Variants in ABCA3 observed in about 807,000 individuals in gnomAD.
ABCA3 encodes ATP binding cassette subfamily A member 3.
ABCA3 carries 88 observed loss-of-function variants against 172.8 expected under a neutral mutation model. The ratio of observed to expected loss-of-function variants is 0.51; its 90% CI spans 0.43 to 0.61. The LOEUF (loss-of-function observed/expected upper bound fraction) is 0.61. Among genes scored for constraint, ABCA3 ranks in the 20% least tolerant of loss-of-function variants. The probability of loss-of-function intolerance (pLI) is 0.00; values close to 1 mark genes in which losing one functional copy is unlikely to be tolerated. For missense variants in ABCA3, 2,164 were observed against 2,301.0 expected, an observed-to-expected ratio of 0.94 and a Z score of 1.22; for synonymous variants, 1,066 against 983.8, an observed-to-expected ratio of 1.08 and a Z score of -1.56.
rs2093665724 is a variant in ABCA3, at chr16:2,288,020, C to T, written c.3004+6G>A. The T allele has an allele frequency of 2.5e-6, 4 of 1,603,644 alleles. No individual in the cohort carries two copies. In the South Asian group the frequency reaches 4.4e-5, roughly 18 times the overall value. On this transcript the variant is annotated splice_donor_region_variant and intron_variant, in intron 21 of 32. Coordinates refer to ENST00000301732, the MANE Select transcript of ABCA3 (RefSeq NM_001089.3). ...GCCCCCGTCCCGCCCCCGGGATGCC[C>T]CTTACCGAGCACCTCGCGGGGCTCC... is the stretch of plus-strand genomic sequence containing the variant.
chr16:2,295,511 T>C (rs1317807932), intron 18 of ABCA3, 79 bp downstream of exon 18: 2 of 1,593,928 alleles, frequency 1.3e-6, no homozygotes, highest in African/African-American at 2.7e-5. Flanking sequence ...AGCAGGTGCC[T>C]CTGAGCACAA....
At chr16:2,303,608 T>C (rs1257208134) in intron 12 of ABCA3, among the ~76,000 whole-genome samples, 1 of 151,990 alleles carries the variant, frequency 6.6e-6, no homozygotes, top group Non-Finnish European at 1.5e-5. Context: ...ATTTTGTAGG[T>C]AGAAAACCCA....
In ABCA3 at chr16:2,278,338, G is replaced by A. The variant is rs727502872; in HGVS notation, c.4668C>T (p.Thr1556=). Residue 1556 remains threonine (T), a synonymous_variant, in exon 30 of 33, where the codon ACC becomes ACT. Transcript: ENST00000301732. The surrounding 1 kb of genome is among the most constrained non-coding windows in gnomAD (Gnocchi z 4.4). The stretch of plus-strand genomic sequence containing the variant: ...TGCCAGACTCTCGGGCTCGTGCCAC[G>A]GTGTCCCAAAGCAGGCGCCGGGCCA... ...DPVARRLLWD[T]VARARESGKA... 53 of 1,611,248 alleles carry A rather than the reference G, an allele frequency of 3.3e-5. No individual in the cohort carries two copies. The highest frequency in any genetic ancestry group is 1.6e-4 in the Middle Eastern group (1 of 6,082).
At chr16:2,337,739 C>T (rs965416202) in intron 1 of ABCA3, among the ~76,000 whole-genome samples, 1 of 152,166 alleles carries the variant, frequency 6.6e-6, no homozygotes, top group African/African-American at 2.4e-5. Context: ...GGAACAAATG[C>T]ACAACCCACA....
chr16:2,278,101 T>C lies in ABCA3; in HGVS notation c.4719-32A>G. 6.2e-7 allele frequency: 1 copy of C among 1,612,716 alleles called. No individual in the cohort carries two copies. Among genetic ancestry groups the C allele is most frequent in the Non-Finnish European group, 8.5e-7 (1 of 1,179,858 alleles). On this transcript the variant is annotated intron_variant, in intron 30 of 32. Coordinates refer to ENST00000301732, the MANE Select transcript of ABCA3 (RefSeq NM_001089.3). This position sits in a 1 kb window ranked among gnomAD's most constrained non-coding sequence, Gnocchi z 4.4. ...AGAGGGCGGGACCTCAGATAGGGCT[T>C]GGGGTGCCAAAGGCTTGTGCAGACA... is the stretch of plus-strand genomic sequence containing the variant.
chr16:2,279,129 A>T lies in ABCA3; in HGVS notation c.4361T>A (p.Val1454Glu). The change falls in exon 29 of 33, where the codon GTG becomes GAG. Residue 1454 changes from valine (V) to glutamate (E), a missense_variant and splice_region_variant. Physicochemically the swap from Val to Glu is moderately radical, Grantham distance 121 (BLOSUM62 -2). Transcript: ENST00000301732. This position sits in a 1 kb window ranked among gnomAD's most constrained non-coding sequence, Gnocchi z 4.4. ...CGGGCAGTAGCCGATCCGCTGCCGC[A>T]CCTGGGGTCGGAGCATAGCCGGGGA... is the stretch of plus-strand genomic sequence containing the variant. ...GHRISSDVGK[V>E]RQRIGYCPQF... 1 of 1,611,080 alleles carries T rather than the reference A, an allele frequency of 6.2e-7. No individual in the cohort carries two copies. The highest frequency in any genetic ancestry group is 8.5e-7 in the Non-Finnish European group (1 of 1,179,986).
chr16:2,308,018 C>T (rs761026306), intron 11 of ABCA3, among the ~76,000 whole-genome samples: 11 of 152,214 alleles, frequency 7.2e-5, no homozygotes, highest in South Asian at 4.1e-4. Context: ...TGCTTGAGGT[C>T]GAAAGTTTGA....
intron 18 of ABCA3, among the ~76,000 whole-genome samples, chr16:2,294,057 C>CCAGGGGTG (rs948388443): frequency 4.7e-5 from 7 of 149,928 alleles, no homozygotes; most frequent in African/African-American, 1.5e-4. Flanking sequence ...AGGCTGGAAT[C>CCAGGGGTG]CAGGGGTGCA....
chr16:2,289,961 T>TCACTCACACACACA (rs1010148901), intron 19 of ABCA3, among the ~76,000 whole-genome samples: 2 of 138,210 alleles, frequency 1.4e-5, no homozygotes, highest in African/African-American at 5.6e-5. Flanking sequence ...GTGAATTACA[T>TCACTCACACACACA]CACACACACA....
chr16:2,288,079 T>C lies in ABCA3; in HGVS notation c.2951A>G (p.Glu984Gly). The C allele has an allele frequency of 6.2e-7, 1 of 1,613,220 alleles. No individual in the cohort carries two copies. The highest frequency in any genetic ancestry group is 1.1e-5 in the South Asian group (1 of 91,074). Residue 984 changes from glutamate to glycine, a missense_variant, in exon 21 of 33, where the codon GAG (glutamate) becomes GGG (glycine). Coordinates refer to ENST00000301732, the MANE Select transcript of ABCA3 (RefSeq NM_001089.3). ...AGCCTGCAGTGCGTCTTTCAGATGC[T>C]CTGACAGCTGCTGACCCAGCTGGGA... ...GTSQLGQQLSEHLKDALQAEG... is the reference protein window; with the variant it reads ...GTSQLGQQLSGHLKDALQAEG...
rs192123267 is a variant in ABCA3, at chr16:2,320,299, C to T, written c.614-459G>A. Among the ~76,000 whole-genome samples, 222 of 147,574 alleles carry T rather than the reference C, an allele frequency of 1.5e-3. 1 individual carries two copies. The highest frequency in any genetic ancestry group is 6.2e-3 in the Admixed American group (91 of 14,692). ...ATTTTTAGTAGAGACGGGGTTTCAC[C>T]GTGTTAGCCAGGATGGTCTGGATCT... is the stretch of plus-strand genomic sequence containing the variant. On this transcript the variant is annotated intron_variant, in intron 7 of 32. Transcript: ENST00000301732.
chr16:2,332,787 T>C (rs1312839214), intron 1 of ABCA3: 11 of 724,692 alleles, frequency 1.5e-5, no homozygotes, highest in Non-Finnish European at 2.0e-5. Context: ...CACCATAGGC[T>C]TGAATTTGCC....
chr16:2,277,763 G>C lies in ABCA3; in HGVS notation c.4910-93C>G, dbSNP rs12597358. The C allele has an allele frequency of 7.3e-5, 117 of 1,592,192 alleles. 2 individuals are homozygous for C. The East Asian group carries it at 2.6e-3, about 35-fold the overall frequency. On this transcript the variant is annotated intron_variant, in intron 31 of 32. Transcript: ENST00000301732. This position sits in a 1 kb window ranked among gnomAD's most constrained non-coding sequence, Gnocchi z 5.3. ...TCAGCACTGGAGTCCTCGTCCCAGGGATTGGGGAGATGGGACTTGGCGGGG... is the reference window on the plus strand; with the variant it reads ...TCAGCACTGGAGTCCTCGTCCCAGGCATTGGGGAGATGGGACTTGGCGGGG...
chr16:2,314,015 A>G (rs942198898), intron 10 of ABCA3, among the ~76,000 whole-genome samples: 1 of 152,190 alleles, frequency 6.6e-6, no homozygotes, highest in African/African-American at 2.4e-5. Context: ...GATGCAGGAG[A>G]CTGGCAACCT....
At chr16:2,309,169 A>C (rs1358992127) in intron 10 of ABCA3, among the ~76,000 whole-genome samples, 1 of 151,962 alleles carries the variant, frequency 6.6e-6, no homozygotes, top group Non-Finnish European at 1.5e-5. Context: ...GATGGTCTCG[A>C]TCTCCTGACC....
intron 10 of ABCA3, among the ~76,000 whole-genome samples, chr16:2,311,341 G>A (rs1003034289): frequency 6.6e-6 from 1 of 152,098 alleles, no homozygotes; most frequent in African/African-American, 2.4e-5. Context: ...ATATATAGTT[G>A]GAAAAGTAAA....
At position 2,277,919 on chromosome 16, in the gene ABCA3, C is replaced by T. The variant is rs371567485; in HGVS notation, c.4869G>A (p.Ala1623=). The T allele has an allele frequency of 2.8e-5, 45 of 1,610,806 alleles. No homozygotes were observed. The highest frequency in any genetic ancestry group is 2.0e-4 in the South Asian group (18 of 91,016). ...CCACGAAGGCCTTGAACTCCTCCAG[C>T]GCCTCCTGTTGCCCTTCACTCTGCA... is the stretch of plus-strand genomic sequence containing the variant. The part of the protein sequence containing the change: ...AKVQSEGQQE[A]LEEFKAFVDL... Residue 1623 remains alanine (A), a synonymous_variant, in exon 31 of 33, where the codon GCG becomes GCA. Transcript: ENST00000301732. The surrounding 1 kb of genome is among the most constrained non-coding windows in gnomAD (Gnocchi z 5.3).
At chr16:2,307,491 T>C (rs549086874) in intron 11 of ABCA3, among the ~76,000 whole-genome samples, 7 of 151,520 alleles carry the variant, frequency 4.6e-5, no homozygotes, top group African/African-American at 1.7e-4. Context: ...GAGGCAGAGG[T>C]TGAGATGAGC....
chr16:2,323,735 A>T, intron 6 of ABCA3, 47 bp from the exon 7 acceptor site: 1 of 1,611,608 alleles, frequency 6.2e-7, no homozygotes, highest in South Asian at 1.1e-5. Context: ...ATCCAGACAG[A>T]GGGGCAAACA....
Sources: gnomAD v4.1 joint callset for allele counts (sites outside exome capture counted in the v4.1 genomes callset) on GRCh38, gnomAD v4.1.1 for gene constraint, Gnocchi (gnomAD v3.1) non-coding constraint, MANE v1.5 for transcripts, NCBI Gene and HGNC (gene_info 2026-07-23, HGNC 2026-07-21) for gene names.